PCDH15: variants seen among roughly 807,000 people sequenced by gnomAD.
The protein encoded by PCDH15 is protocadherin related 15, also known as protocadherin-15.
Under a neutral mutation model 178.5 loss-of-function variants are expected in PCDH15, and 129 were observed. That is an observed-to-expected ratio of 0.72 (90% CI 0.63 to 0.84). The LOEUF is 0.84. Among genes scored for constraint, PCDH15 ranks in the 40% least tolerant of loss-of-function variants. PCDH15 has a pLI of 0.00. For synonymous variants in PCDH15, 800 were observed against 732.0 expected (o/e 1.09, Z -1.50); for missense variants, 2,230 against 2,099.9 (o/e 1.06, Z -1.21).
At chr10:54,690,162 G>A (rs756738238) in intron 1 of PCDH15, among the ~76,000 whole-genome samples, 1 of 152,062 alleles carries the variant, frequency 6.6e-6, no homozygotes, top group Admixed American at 6.6e-5. Context: ...ATAACACAAC[G>A]CATTACTCAT....
At chr10:55,551,051 A>G (rs1841993848) in intron 2 of PCDH15, among the ~76,000 whole-genome samples, 1 of 152,124 alleles carries the variant, frequency 6.6e-6, no homozygotes, top group Admixed American at 6.6e-5. Context: ...TGAAGCAAAG[A>G]AATACAAAAT....
chr10:55,439,094 A>G (rs946861978), intron 2 of PCDH15, among the ~76,000 whole-genome samples: 4 of 151,794 alleles, frequency 2.6e-5, no homozygotes, highest in Non-Finnish European at 5.9e-5. Context: ...TAGTAGAGAT[A>G]GGGTTTCACT....
At chr10:54,856,806 T>A (rs1165655066) in intron 3 of PCDH15, among the ~76,000 whole-genome samples, 1 of 152,198 alleles carries the variant, frequency 6.6e-6, no homozygotes, top group Admixed American at 6.5e-5. Context: ...TTTTTGGACC[T>A]TTGGACTATG....
At chr10:54,220,029 A>C (rs1044490197) in intron 9 of PCDH15, among the ~76,000 whole-genome samples, 2 of 152,174 alleles carry the variant, frequency 1.3e-5, no homozygotes, top group African/African-American at 2.4e-5. Context: ...TATATTTTTA[A>C]ATAAGAGTTT....
intron 21 of PCDH15, among the ~76,000 whole-genome samples, chr10:53,993,768 C>G (rs1023304595): frequency 6.6e-6 from 1 of 152,014 alleles, no homozygotes; most frequent in African/African-American, 2.4e-5. Context: ...CTTAAGGGTC[C>G]CAGTTTGCAA....
At chr10:55,462,903 T>C (rs1839710377) in intron 2 of PCDH15, among the ~76,000 whole-genome samples, 1 of 152,110 alleles carries the variant, frequency 6.6e-6, no homozygotes, top group African/African-American at 2.4e-5. Context: ...AGCTTGTTTT[T>C]AATAAAGAAG....
intron 25 of PCDH15, among the ~76,000 whole-genome samples, chr10:53,926,936 A>C (rs1484986547): frequency 1.3e-5 from 2 of 152,178 alleles, no homozygotes; most frequent in Non-Finnish European, 2.9e-5. Context: ...ATCCCCTTAC[A>C]GCACTTAGAA....
intron 1 of PCDH15, among the ~76,000 whole-genome samples, chr10:55,247,010 A>G (rs948191369): frequency 6.6e-6 from 1 of 152,142 alleles, no homozygotes; most frequent in Non-Finnish European, 1.5e-5. Context: ...TACATGAGTA[A>G]AAGTTTAAGC....
At chr10:54,753,016 T>C (rs1184013716) in intron 1 of PCDH15, among the ~76,000 whole-genome samples, 1 of 152,200 alleles carries the variant, frequency 6.6e-6, no homozygotes, top group African/African-American at 2.4e-5. Context: ...TAGTTTTGAA[T>C]TCAGCACCAT....
chr10:53,984,148 C>CTTTTTTTTTTTTTTT (rs66540462), intron 21 of PCDH15, among the ~76,000 whole-genome samples: 4 of 63,558 alleles, frequency 6.3e-5, no homozygotes, highest in Non-Finnish European at 9.6e-5. Flanking sequence ...TTTTTCTTTT[C>CTTTTTTTTTTTTTTT]TTTTTTTTTT....
chr10:54,178,348 T>C (rs561037734), intron 13 of PCDH15, among the ~76,000 whole-genome samples: 3 of 152,258 alleles, frequency 2.0e-5, no homozygotes, highest in South Asian at 4.1e-4. Context: ...GGCACTTAGA[T>C]TGATACATTT....
At chr10:54,298,912 G>GT in intron 8 of PCDH15, among the ~76,000 whole-genome samples, 1 of 152,358 alleles carries the variant, frequency 6.6e-6, no homozygotes, top group East Asian at 1.9e-4. Flanking sequence ...CAGATAGTAA[G>GT]TATGCTTATC....
chr10:54,189,376 G>A, intron 11 of PCDH15: 2 of 1,565,122 alleles, frequency 1.3e-6, no homozygotes, highest in South Asian at 2.4e-5. Context: ...GAACTCCACT[G>A]GGTGGAACCT....
In PCDH15 at chr10:54,214,004, T is replaced by C. The variant is rs1246166278; in HGVS notation, c.1030A>G (p.Thr344Ala). The C allele has an allele frequency of 9.3e-6, 15 of 1,611,942 alleles. No individual in the cohort carries two copies. Among genetic ancestry groups the C allele is most frequent in the Non-Finnish European group, 1.3e-5 (15 of 1,178,274 alleles). The change falls in exon 10 of 38, where the codon ACA (threonine) becomes GCA (alanine). Residue 344 changes from threonine (T) to alanine (A), a missense_variant. Transcript: ENST00000644397. The part of the protein sequence containing the change: ...YPRFFHMHPR[T>A]AELSLLEPVN... The stretch of plus-strand genomic sequence containing the variant: ...GGCTCCAGGAGACTAAGTTCTGCTG[T>C]CCTAGGATGCATATGGAAAAATCGT...
intron 1 of PCDH15, among the ~76,000 whole-genome samples, chr10:54,741,489 A>G (rs915175451): frequency 2.0e-5 from 3 of 151,942 alleles, no homozygotes; most frequent in Non-Finnish European, 2.9e-5. Flanking sequence ...AAAATGAAGA[A>G]TGGGGTGGTA....
chr10:55,343,534 T>C (rs1844661181), intron 2 of PCDH15, among the ~76,000 whole-genome samples: 1 of 152,032 alleles, frequency 6.6e-6, no homozygotes, highest in African/African-American at 2.4e-5. Flanking sequence ...ATCATAATCT[T>C]CCTTTTCCCC....
At chr10:55,276,709 G>A (rs1217455628) in intron 1 of PCDH15, among the ~76,000 whole-genome samples, 2 of 151,622 alleles carry the variant, frequency 1.3e-5, no homozygotes, top group Non-Finnish European at 2.9e-5. Flanking sequence ...CATAAAATGA[G>A]TTGAGGAAAA....
chr10:54,907,854 G>A (rs1005509893), intron 2 of PCDH15, among the ~76,000 whole-genome samples: 6 of 152,118 alleles, frequency 3.9e-5, no homozygotes. Flanking sequence ...CATACCCTAT[G>A]AAAGCTGGTC....
chr10:54,171,858 A>G (rs769185655), intron 13 of PCDH15, among the ~76,000 whole-genome samples: 70 of 151,106 alleles, frequency 4.6e-4, no homozygotes, highest in Admixed American at 9.9e-4. Context: ...CATCCCCACA[A>G]TATCACCCCT....
Sources: allele counts gnomAD v4.1 joint callset (sites outside exome capture counted in the v4.1 genomes callset), GRCh38; gene constraint gnomAD v4.1.1; transcripts MANE v1.5; gene names NCBI Gene and HGNC (gene_info 2026-07-23, HGNC 2026-07-21).